The following SLC25A21 variants were observed in gnomAD, a reference collection of about 807,000 sequenced individuals.
The protein encoded by SLC25A21 is solute carrier family 25 member 21.
Under a neutral mutation model 43.8 loss-of-function variants are expected in SLC25A21, and 47 were observed. That is an observed-to-expected ratio of 1.07 (90% CI 0.85 to 1.37). The LOEUF (loss-of-function observed/expected upper bound fraction) is 1.37, where lower values mean the gene tolerates loss of function less well. SLC25A21 is among the 40% of genes most tolerant of loss of function. SLC25A21 has a pLI of 0.00. For synonymous variants in SLC25A21, 131 were observed against 121.3 expected (o/e 1.08, Z -0.52); for missense variants, 352 against 350.2 (o/e 1.00, Z -0.04).
At chr14:37,006,982 A>T (rs554439462) in intron 1 of SLC25A21, among the ~76,000 whole-genome samples, 1 of 152,312 alleles carries the variant, frequency 6.6e-6, no homozygotes, top group African/African-American at 2.4e-5. Flanking sequence ...GGAACCAATC[A>T]ATTTTTAACA....
chr14:36,906,687 G>A (rs1891544185), intron 1 of SLC25A21, among the ~76,000 whole-genome samples: 1 of 151,894 alleles, frequency 6.6e-6, no homozygotes, highest in South Asian at 2.1e-4. Context: ...TGTATTTTTA[G>A]TAGAGACGGG....
At chr14:36,699,377 T>C (rs1160553032) in intron 7 of SLC25A21, among the ~76,000 whole-genome samples, 9 of 151,790 alleles carry the variant, frequency 5.9e-5, no homozygotes, top group Non-Finnish European at 1.5e-5. Flanking sequence ...TTCTGGGAGG[T>C]GTCTCCCAGT....
chr14:37,093,192 C>T (rs771740550), intron 1 of SLC25A21, among the ~76,000 whole-genome samples: 1 of 152,174 alleles, frequency 6.6e-6, no homozygotes, highest in African/African-American at 2.4e-5. Flanking sequence ...TTATATTCAC[C>T]TTAAGTATAA....
At chr14:36,801,980 C>T (rs988179909) in intron 3 of SLC25A21, among the ~76,000 whole-genome samples, 7 of 152,128 alleles carry the variant, frequency 4.6e-5, no homozygotes, top group African/African-American at 1.4e-4. Flanking sequence ...TTGCCAGCGG[C>T]GAAGTGCCCG....
At chr14:37,107,098 TAA>T (rs1431858439) in intron 1 of SLC25A21, among the ~76,000 whole-genome samples, 1 of 152,182 alleles carries the variant, frequency 6.6e-6, no homozygotes, top group Non-Finnish European at 1.5e-5. Flanking sequence ...GTTCTTGGAA[TAA>T]AAAGAGAAAT....
chr14:36,928,234 C>G (rs748515256), intron 1 of SLC25A21, among the ~76,000 whole-genome samples: 4 of 152,060 alleles, frequency 2.6e-5, no homozygotes, highest in Non-Finnish European at 5.9e-5. Context: ...AGAGTCACAG[C>G]ATAAGAATTT....
chr14:36,795,833 T>C (rs570801536), intron 3 of SLC25A21, among the ~76,000 whole-genome samples: 29 of 152,318 alleles, frequency 1.9e-4, no homozygotes, highest in Middle Eastern at 3.4e-3. Flanking sequence ...ATATCAGTAC[T>C]CTAAGCTGTG....
At chr14:37,003,158 AT>A (rs1384314038) in intron 1 of SLC25A21, among the ~76,000 whole-genome samples, 3 of 152,234 alleles carry the variant, frequency 2.0e-5, no homozygotes, top group African/African-American at 7.2e-5. Context: ...TAATTTATAA[AT>A]TAGGCACAGT....
intron 2 of SLC25A21, among the ~76,000 whole-genome samples, chr14:36,816,148 A>G (rs1435363009): frequency 6.6e-6 from 1 of 152,164 alleles, no homozygotes; most frequent in Non-Finnish European, 1.5e-5. Context: ...GGCTGGAATT[A>G]CATTTAGTTT....
At chr14:36,808,587 A>G (rs1036592674) in intron 3 of SLC25A21, among the ~76,000 whole-genome samples, 1 of 152,178 alleles carries the variant, frequency 6.6e-6, no homozygotes, top group African/African-American at 2.4e-5. Context: ...ATAAATAACA[A>G]AATTTGATCC....
chr14:36,780,371 C>T (rs1887008719), intron 3 of SLC25A21, among the ~76,000 whole-genome samples: 1 of 151,934 alleles, frequency 6.6e-6, no homozygotes, highest in Non-Finnish European at 1.5e-5. Flanking sequence ...GCTCCTACTA[C>T]TTTTGCCCTT....
intron 3 of SLC25A21, among the ~76,000 whole-genome samples, chr14:36,787,126 G>A (rs1355738043): frequency 6.6e-5 from 10 of 152,196 alleles, no homozygotes; most frequent in Non-Finnish European, 1.5e-5. Flanking sequence ...CACACATAAT[G>A]CCAGGCACCT....
At chr14:37,110,429 T>C (rs1962997225) in intron 1 of SLC25A21, among the ~76,000 whole-genome samples, 5 of 152,316 alleles carry the variant, frequency 3.3e-5, no homozygotes, top group Admixed American at 1.3e-4. Flanking sequence ...ACTTGAAATA[T>C]AGAAAACACA....
intron 1 of SLC25A21, among the ~76,000 whole-genome samples, chr14:37,026,036 A>C (rs1961085596): frequency 6.6e-6 from 1 of 152,076 alleles, no homozygotes; most frequent in South Asian, 2.1e-4. Flanking sequence ...TTTATGTAAC[A>C]GGAAAGCACG....
intron 1 of SLC25A21, among the ~76,000 whole-genome samples, chr14:36,877,188 T>TA (rs1219576605): frequency 1.3e-5 from 2 of 152,018 alleles, no homozygotes; most frequent in Non-Finnish European, 2.9e-5. Context: ...GACTTGACAT[T>TA]AGAGTAGAAG....
intron 1 of SLC25A21, among the ~76,000 whole-genome samples, chr14:37,058,073 C>A (rs1328912223): frequency 6.6e-6 from 1 of 152,186 alleles, no homozygotes; most frequent in Non-Finnish European, 1.5e-5. Flanking sequence ...CACAGTAAAA[C>A]TACAGTCTAT....
chr14:36,725,476 AAAATAAATAAATAAAT>A lies in SLC25A21; in HGVS notation c.438+78_438+93del, dbSNP rs10607138. The A allele has an allele frequency of 1.2e-3, 441 of 358,600 alleles. 5 individuals are homozygous for A. The East Asian group carries it at 0.021, about 17-fold the overall frequency. The allele number at this position is 358,600 out of a possible 1,614,324, so 22.2% of individuals were successfully genotyped here. A position where few individuals can be genotyped will look rare whatever the true frequency, so the allele number is the denominator to read the frequency against. ...GGCAACAAGAGCAAAACTCTGTCCC[AAAATAAATAAATAAAT>A]AAATAAATAAATAAATAAATAAATA... is the stretch of plus-strand genomic sequence containing the variant. On this transcript the variant is annotated intron_variant, in intron 6 of 9. Transcript: ENST00000331299.
intron 2 of SLC25A21, among the ~76,000 whole-genome samples, chr14:36,858,748 T>C (rs1889978443): frequency 6.6e-6 from 1 of 152,184 alleles, no homozygotes; most frequent in Non-Finnish European, 1.5e-5. Context: ...CACTCTTAAG[T>C]GTTCTCTCAG....
At chr14:36,950,202 A>G (rs1312007842) in intron 1 of SLC25A21, among the ~76,000 whole-genome samples, 1 of 152,156 alleles carries the variant, frequency 6.6e-6, no homozygotes, top group Non-Finnish European at 1.5e-5. Flanking sequence ...ATTATTTCTG[A>G]ATAACACCCA....
Sources: gnomAD v4.1 joint callset for allele counts (sites outside exome capture counted in the v4.1 genomes callset) on GRCh38, gnomAD v4.1.1 for gene constraint, MANE v1.5 for transcripts, NCBI Gene and HGNC (gene_info 2026-07-23, HGNC 2026-07-21) for gene names.